The following NLGN1 variants were observed in gnomAD, a reference collection of about 807,000 sequenced individuals.
NLGN1 encodes the protein neuroligin 1.
Under a neutral mutation model 65.5 loss-of-function variants are expected in NLGN1, and 12 were observed. That is an observed-to-expected ratio of 0.18 (90% confidence interval 0.12 to 0.30). The LOEUF (loss-of-function observed/expected upper bound fraction) is 0.30. Among genes scored for constraint, NLGN1 ranks in the 10% least tolerant of loss-of-function variants. The pLI is 1.00. For missense variants in NLGN1, 750 were observed against 1,007.1 expected, an observed-to-expected ratio of 0.74 and a Z score of 3.46; for synonymous variants, 350 against 359.5, an observed-to-expected ratio of 0.97 and a Z score of 0.30.
At chr3:173,554,526 A>T (rs574519522) in intron 2 of NLGN1, among the ~76,000 whole-genome samples, 2 of 152,296 alleles carry the variant, frequency 1.3e-5, no homozygotes, top group East Asian at 3.9e-4. Flanking sequence ...TCTGATTTTA[A>T]TTAATTTTGC....
At chr3:174,217,828 C>T (rs1246619719) in intron 4 of NLGN1, among the ~76,000 whole-genome samples, 1 of 151,904 alleles carries the variant, frequency 6.6e-6, no homozygotes, top group Non-Finnish European at 1.5e-5. Flanking sequence ...AATCCTTGTT[C>T]AAATAGGGGA....
At chr3:174,202,886 C>T (rs983634370) in intron 4 of NLGN1, 26 of 152,166 alleles carry the variant, frequency 1.7e-4, no homozygotes, top group African/African-American at 6.0e-4. Flanking sequence ...GGCTGTTAGT[C>T]CTCAGTGAGT....
chr3:174,125,779 AAG>A (rs1027760688), intron 4 of NLGN1, among the ~76,000 whole-genome samples: 52 of 152,126 alleles, frequency 3.4e-4, no homozygotes, highest in African/African-American at 1.2e-3. Flanking sequence ...AAGAGTATTC[AAG>A]AGATAGGAAG....
chr3:174,259,694 T>TA (rs1577646921), intron 4 of NLGN1, among the ~76,000 whole-genome samples: 6 of 146,268 alleles, frequency 4.1e-5, no homozygotes, highest in South Asian at 4.4e-4. Context: ...CCTTTTTTTT[T>TA]TAATTATACT....
chr3:173,639,493 A>T (rs1477293146), intron 3 of NLGN1, among the ~76,000 whole-genome samples: 1 of 152,232 alleles, frequency 6.6e-6, no homozygotes, highest in Non-Finnish European at 1.5e-5. Context: ...GCATCCAGTC[A>T]TAGGGAATAG....
At chr3:174,093,505 A>G (rs1744916833) in intron 4 of NLGN1, among the ~76,000 whole-genome samples, 1 of 152,238 alleles carries the variant, frequency 6.6e-6, no homozygotes, top group African/African-American at 2.4e-5. Flanking sequence ...AAATTAAAAC[A>G]GTAGTTTGTC....
intron 3 of NLGN1, among the ~76,000 whole-genome samples, chr3:173,782,091 G>A (rs1430655088): frequency 1.1e-5 from 1 of 91,910 alleles, no homozygotes. Context: ...AAGAGCTTTG[G>A]AAGTGTCTTT....
chr3:174,158,107 G>A (rs756355793), intron 4 of NLGN1, among the ~76,000 whole-genome samples: 9 of 151,746 alleles, frequency 5.9e-5, no homozygotes, highest in East Asian at 1.9e-4. Context: ...AAGATCGGAC[G>A]AAAGAACAGC....
At chr3:173,538,531 A>T (rs1261513906) in intron 2 of NLGN1, among the ~76,000 whole-genome samples, 1 of 152,226 alleles carries the variant, frequency 6.6e-6, no homozygotes, top group African/African-American at 2.4e-5. Context: ...TGTATATTTC[A>T]ATAAGGACAA....
chr3:173,979,995 A>C (rs1024797180), intron 4 of NLGN1, among the ~76,000 whole-genome samples: 2 of 152,110 alleles, frequency 1.3e-5, no homozygotes, highest in African/African-American at 4.8e-5. Flanking sequence ...ACTTGCTTCC[A>C]TTCTCATCTT....
intron 4 of NLGN1, among the ~76,000 whole-genome samples, chr3:174,151,640 T>G (rs1385032736): frequency 6.6e-6 from 1 of 152,176 alleles, no homozygotes; most frequent in Non-Finnish European, 1.5e-5. Context: ...TTCTGAAAAC[T>G]TGCACAGCTT....
At chr3:173,448,203 A>G (rs1374106169) in intron 2 of NLGN1, among the ~76,000 whole-genome samples, 1 of 152,150 alleles carries the variant, frequency 6.6e-6, no homozygotes, top group African/African-American at 2.4e-5. Context: ...TGGGTTTGTC[A>G]TAGATAGCTC....
chr3:174,249,331 A>G (rs965528164), intron 4 of NLGN1, among the ~76,000 whole-genome samples: 1 of 152,178 alleles, frequency 6.6e-6, no homozygotes, highest in Non-Finnish European at 1.5e-5. Flanking sequence ...GGTACCTGTC[A>G]CATGCTGCCG....
chr3:173,630,805 A>G (rs1051445026), intron 3 of NLGN1, among the ~76,000 whole-genome samples: 69 of 152,268 alleles, frequency 4.5e-4, no homozygotes, highest in African/African-American at 1.6e-3. Flanking sequence ...TTTACATGCC[A>G]TAAACTTCTT....
intron 4 of NLGN1, among the ~76,000 whole-genome samples, chr3:174,166,882 A>G (rs376420496): frequency 6.6e-6 from 1 of 151,450 alleles, no homozygotes; most frequent in East Asian, 1.9e-4. Context: ...GTGTGTAGAT[A>G]TTTTGTATAG....
At chr3:173,507,589 G>A (rs940680091) in intron 2 of NLGN1, among the ~76,000 whole-genome samples, 1 of 152,034 alleles carries the variant, frequency 6.6e-6, no homozygotes, top group Non-Finnish European at 1.5e-5. Flanking sequence ...TCAGGTAATA[G>A]TTATTTATGT....
intron 4 of NLGN1, among the ~76,000 whole-genome samples, chr3:174,058,453 G>A (rs960806653): frequency 1.3e-5 from 2 of 152,036 alleles, no homozygotes; most frequent in African/African-American, 4.8e-5. Flanking sequence ...AGCAAGAGGG[G>A]TGCCATGTTA....
intron 4 of NLGN1, among the ~76,000 whole-genome samples, chr3:174,042,896 C>T (rs993698994): frequency 4.6e-5 from 7 of 152,082 alleles, no homozygotes; most frequent in African/African-American, 1.7e-4. Context: ...TTAGTTCCTT[C>T]TCATGCTGCT....
chr3:174,099,061 A>G (rs1711783473), intron 4 of NLGN1, among the ~76,000 whole-genome samples: 1 of 152,172 alleles, frequency 6.6e-6, no homozygotes, highest in Non-Finnish European at 1.5e-5. Flanking sequence ...TAAATTATTA[A>G]AACTGGACAT....
Sources: gnomAD v4.1 joint callset for allele counts (sites outside exome capture counted in the v4.1 genomes callset) on GRCh38, gnomAD v4.1.1 for gene constraint, MANE v1.5 for transcripts, NCBI Gene and HGNC (gene_info 2026-07-23, HGNC 2026-07-21) for gene names.